Variants in ARID3A observed in about 807,000 individuals in gnomAD.
The protein encoded by ARID3A is AT-rich interactive domain-containing protein 3A.
A neutral mutation model predicts 52.7 loss-of-function variants in ARID3A; 11 were observed. The ratio of observed to expected loss-of-function variants is 0.21; its 90% CI spans 0.13 to 0.35. ARID3A has a LOEUF of 0.35. Among genes scored for constraint, ARID3A ranks in the 10% least tolerant of loss-of-function variants. ARID3A has a pLI of 1.00. For synonymous variants in ARID3A, 404 were observed against 359.4 expected (o/e 1.12, Z -1.40); for missense variants, 721 against 838.5 (o/e 0.86, Z 1.73).
At chr19:933,201 G>A (rs2037369777) in intron 3 of ARID3A, among the ~76,000 whole-genome samples, 1 of 152,162 alleles carries the variant, frequency 6.6e-6, no homozygotes, top group South Asian at 2.1e-4. Flanking sequence ...GCAGCTGGCA[G>A]CCGAGGGGAT....
intron 3 of ARID3A, among the ~76,000 whole-genome samples, chr19:939,107 T>G (rs1827437619): frequency 8.1e-6 from 1 of 123,638 alleles, no homozygotes; most frequent in Non-Finnish European, 1.6e-5. Flanking sequence ...ATTTATTTAT[T>G]TATTTATTTA....
In ARID3A at chr19:960,596, G is replaced by A. The variant is rs1018284716; in HGVS notation, c.766+432G>A. Among the ~76,000 whole-genome samples, 10 of 152,044 alleles carry A rather than the reference G, an allele frequency of 6.6e-5. No homozygotes were observed. Among genetic ancestry groups the A allele is most frequent in the East Asian group, 1.9e-4 (1 of 5,192 alleles). Reference sequence around the variant, plus strand: ...CAGGACAGAAGCCCCCCGCCCGGCCGCGAGATGGCTTAGAGTCTAATGATC... The same window carrying A: ...CAGGACAGAAGCCCCCCGCCCGGCCACGAGATGGCTTAGAGTCTAATGATC... On this transcript the variant is annotated intron_variant, in intron 4 of 8. Coordinates refer to ENST00000263620, the MANE Select transcript of ARID3A (RefSeq NM_005224.3). This position sits in a 1 kb window ranked among gnomAD's most constrained non-coding sequence, Gnocchi z 4.3.
rs1403224329 is a variant in ARID3A at position 975,320 on chromosome 19, G to A, written c.*3255G>A. ...AGGCGGCTTCTGGAACCTTCCGTGG[G>A]ACCCGTAAGTGGCTGTCCAGAAAGG... On this transcript the variant is annotated 3_prime_UTR_variant, in exon 9 of 9. Coordinates refer to ENST00000263620, the MANE Select transcript of ARID3A (RefSeq NM_005224.3). 9.5e-6 allele frequency: 2 copies of A among 210,744 alleles called. No individual in the cohort carries two copies. The highest frequency in any genetic ancestry group is 1.9e-5 in the Non-Finnish European group (2 of 104,240). The allele number at this position is 210,744 out of a possible 1,614,324, so 13.1% of individuals were successfully genotyped here. A position where few individuals can be genotyped will look rare whatever the true frequency, so the allele number is the denominator to read the frequency against.
At chr19:969,053 A>G (rs1346866291) in intron 8 of ARID3A, among the ~76,000 whole-genome samples, 1 of 152,164 alleles carries the variant, frequency 6.6e-6, no homozygotes, top group Non-Finnish European at 1.5e-5. Flanking sequence ...ACTGCACTCC[A>G]GCCTGGGCCA....
chr19:937,699 CTTTTTTTTT>C (rs951435776), intron 3 of ARID3A, among the ~76,000 whole-genome samples: 2 of 90,796 alleles, frequency 2.2e-5, no homozygotes, highest in South Asian at 4.1e-4. Context: ...TTATTGTCGA[CTTTTTTTTT>C]TTTTTTTTTT....
intron 3 of ARID3A, among the ~76,000 whole-genome samples, chr19:935,038 C>A (rs1255167803): frequency 2.6e-5 from 4 of 152,218 alleles, no homozygotes; most frequent in Non-Finnish European, 5.9e-5. Flanking sequence ...GTCAGTGTTA[C>A]CTCCCGCCCG....
intron 3 of ARID3A, among the ~76,000 whole-genome samples, chr19:951,921 A>G (rs1412659372): frequency 1.3e-5 from 2 of 151,930 alleles, no homozygotes; most frequent in Admixed American, 6.6e-5. Flanking sequence ...GGATGGCCTG[A>G]GGTCAGGAGT....
At chr19:926,601 C>T (rs2037204797) in intron 1 of ARID3A, among the ~76,000 whole-genome samples, 1 of 151,868 alleles carries the variant, frequency 6.6e-6, no homozygotes, top group South Asian at 2.1e-4. Flanking sequence ...CGAGCCTCCC[C>T]AGCCGGGCTG....
chr19:948,633 C>T (rs757403410), intron 3 of ARID3A, among the ~76,000 whole-genome samples: 1 of 151,636 alleles, frequency 6.6e-6, no homozygotes, highest in Non-Finnish European at 1.5e-5. Context: ...ATTCCTGCCT[C>T]ATCTGTCCAG....
chr19:972,972 C>T lies in ARID3A; in HGVS notation c.*907C>T, dbSNP rs2038311488. 2 of 209,234 alleles carry T rather than the reference C, an allele frequency of 9.6e-6. No individual in the cohort carries two copies. The highest frequency in any genetic ancestry group is 1.9e-5 in the Non-Finnish European group (2 of 102,714). 13.0% of individuals were successfully genotyped at this position (209,234 alleles called of 1,614,324 possible). A position where few individuals can be genotyped will look rare whatever the true frequency, so the allele number is the denominator to read the frequency against. On this transcript the variant is annotated 3_prime_UTR_variant, in exon 9 of 9. Transcript: ENST00000263620. ...ATGAACTCAGGTGCTATGGGCCGGG[C>T]TGGGGCAGAGGGTGCATGCTGGGGT... is the stretch of plus-strand genomic sequence containing the variant.
chr19:965,064 C>A lies in ARID3A; in HGVS notation c.1182C>A (p.Ala394=), dbSNP rs2038120307. The change falls in exon 6 of 9, where the codon GCC becomes GCA. Residue 394 remains alanine (A), a synonymous_variant. Coordinates refer to ENST00000263620, the MANE Select transcript of ARID3A (RefSeq NM_005224.3). ...ASTNGSSITP[A]PKIKKEEDSA... is the part of the protein sequence containing the mutation. ...CCAATGGCAGCTCCATCACCCCCGC[C>A]CCTAAGATCAAGAAAGGTAAGGGCC... is the stretch of plus-strand genomic sequence containing the variant. 6.2e-7 allele frequency: 1 copy of A among 1,610,910 alleles called. No homozygotes were observed. The highest frequency in any genetic ancestry group is 1.7e-5 in the Admixed American group (1 of 59,914).
intron 3 of ARID3A, among the ~76,000 whole-genome samples, chr19:933,497 C>T (rs1446023272): frequency 1.3e-5 from 2 of 152,160 alleles, no homozygotes; most frequent in East Asian, 1.9e-4. Context: ...GACCTCTGGG[C>T]GCGGCTGGGG....
chr19:926,160 G>C, intron 1 of ARID3A, 101 bp downstream of exon 1: 1 of 150,346 alleles, frequency 6.7e-6, no homozygotes, highest in East Asian at 2.0e-4. Flanking sequence ...CCGACCCCAG[G>C]CGCGGGGCGC....
At position 975,011 on chromosome 19, in the gene ARID3A, T is replaced by A. The variant is rs1039805661; in HGVS notation, c.*2946T>A. The A allele has an allele frequency of 1.3e-5, 3 of 232,268 alleles. No homozygotes were observed. The highest frequency in any genetic ancestry group is 4.4e-5 in the African/African-American group (2 of 45,246). The allele number at this position is 232,268 out of a possible 1,614,324, so 14.4% of individuals were successfully genotyped here. A position where few individuals can be genotyped will look rare whatever the true frequency, so the allele number is the denominator to read the frequency against. ...CCTGGATACTCGGCAGGAAGCCGTG[T>A]CTGCAGAGGCTCCTCCCTGCCTCAG... is the stretch of plus-strand genomic sequence containing the variant. On this transcript the variant is annotated 3_prime_UTR_variant, in exon 9 of 9. Coordinates refer to ENST00000263620, the MANE Select transcript of ARID3A (RefSeq NM_005224.3).
At position 972,983 on chromosome 19, in the gene ARID3A, G is replaced by T. The variant is rs540273957; in HGVS notation, c.*918G>T. 4.0e-4 allele frequency: 83 copies of T among 208,696 alleles called. No homozygotes were observed. The highest frequency in any genetic ancestry group is 4.2e-4 in the Non-Finnish European group (43 of 102,468). The allele number at this position is 208,696 out of a possible 1,614,324, so 12.9% of individuals were successfully genotyped here. On this transcript the variant is annotated 3_prime_UTR_variant, in exon 9 of 9. Transcript: ENST00000263620. ...TGCTATGGGCCGGGCTGGGGCAGAG[G>T]GTGCATGCTGGGGTCCCACCGGCCA...
In ARID3A at chr19:970,808, C is replaced by T. The variant is rs944611251; in HGVS notation, c.1595-1070C>T. 3.3e-5 allele frequency among the ~76,000 whole-genome samples: 5 copies of T among 152,118 alleles called. No homozygotes were observed. In the South Asian group the frequency reaches 6.2e-4, roughly 19 times the overall value. On this transcript the variant is annotated intron_variant, in intron 8 of 8. Coordinates refer to ENST00000263620, the MANE Select transcript of ARID3A (RefSeq NM_005224.3). ...AGTTTTTCTTAAAGTGGAGTCAGGCCGATGGTTCATAGTGGCCACCAGGTG... is the reference window on the plus strand; with the variant it reads ...AGTTTTTCTTAAAGTGGAGTCAGGCTGATGGTTCATAGTGGCCACCAGGTG...
At chr19:933,521 C>A (rs532692336) in intron 3 of ARID3A, among the ~76,000 whole-genome samples, 20 of 152,188 alleles carry the variant, frequency 1.3e-4, no homozygotes, top group Non-Finnish European at 1.5e-5. Context: ...GCCACCTCCT[C>A]GCCCGGGGCT....
chr19:940,833 C>G (rs1355627322), intron 3 of ARID3A, among the ~76,000 whole-genome samples: 1 of 152,164 alleles, frequency 6.6e-6, no homozygotes, highest in Non-Finnish European at 1.5e-5. Flanking sequence ...CCCTGGGCAC[C>G]TGGTCCTCCC....
chr19:939,268 A>G (rs2037497362), intron 3 of ARID3A, among the ~76,000 whole-genome samples: 2 of 151,806 alleles, frequency 1.3e-5, no homozygotes, highest in Non-Finnish European at 2.9e-5. Context: ...ACAGGCGCCC[A>G]CCACCACACC....
Sources: gnomAD v4.1 joint callset for allele counts (sites outside exome capture counted in the v4.1 genomes callset) on GRCh38, gnomAD v4.1.1 for gene constraint, Gnocchi (gnomAD v3.1) non-coding constraint, MANE v1.5 for transcripts, NCBI Gene and HGNC (gene_info 2026-07-23, HGNC 2026-07-21) for gene names.